Variants in PHF2 observed in about 807,000 individuals in gnomAD.
The protein encoded by PHF2 is PHD finger protein 2, also known as lysine-specific demethylase PHF2.
PHF2 carries 27 observed loss-of-function variants against 120.5 expected under a neutral mutation model. That is an observed-to-expected ratio of 0.22 (90% CI 0.17 to 0.31). The LOEUF (loss-of-function observed/expected upper bound fraction) is 0.31. Among genes scored for constraint, PHF2 ranks in the 10% least tolerant of loss-of-function variants. The probability of loss-of-function intolerance (pLI) is 1.00; values close to 1 mark genes in which losing one functional copy is unlikely to be tolerated. For synonymous variants in PHF2, 568 were observed against 592.5 expected (o/e 0.96, Z 0.60); for missense variants, 1,024 against 1,434.8 (o/e 0.71, Z 4.63).
rs1345954050 is a variant in PHF2 at position 93,662,222 on chromosome 9, A to G, written c.1699-685A>G. On this transcript the variant is annotated intron_variant, in intron 12 of 21. Coordinates refer to ENST00000359246, the MANE Select transcript of PHF2 (RefSeq NM_005392.4). ...AGATACATGGATGGATAGATGAACAAATGGATGGGTGGATAGGTGGGTGAA... is the reference window on the plus strand; with the variant it reads ...AGATACATGGATGGATAGATGAACAGATGGATGGGTGGATAGGTGGGTGAA... Among the ~76,000 whole-genome samples, 3 of 151,452 alleles carry G rather than the reference A, an allele frequency of 2.0e-5. No homozygotes were observed. The East Asian group carries it at 5.9e-4, about 30-fold the overall frequency.
intron 2 of PHF2, among the ~76,000 whole-genome samples, chr9:93,634,979 G>T (rs1826066017): frequency 6.6e-6 from 1 of 152,186 alleles, no homozygotes; most frequent in South Asian, 2.1e-4. Context: ...CCTTTCTCTA[G>T]TAAAGACGAG....
At position 93,596,747 on chromosome 9, in the gene PHF2, GTT is replaced by G. The variant is rs34293739; in HGVS notation, c.98+19887_98+19888del. 4.1e-3 allele frequency among the ~76,000 whole-genome samples: 585 copies of G among 144,232 alleles called. 2 individuals carry two copies. The highest frequency in any genetic ancestry group is 7.0e-3 in the Middle Eastern group (2 of 284). 94.6% of individuals were successfully genotyped at this position (144,232 alleles called of 152,430 possible). ...ACCTTCATGCCTCAGTGTTTCTGCC[GTT>G]TTTTTTTTTTGTTTTTTGTTTTTTG... is the stretch of plus-strand genomic sequence containing the variant. On this transcript the variant is annotated intron_variant, in intron 1 of 21. Coordinates refer to ENST00000359246, the MANE Select transcript of PHF2 (RefSeq NM_005392.4).
rs549318076 is a variant in PHF2 at position 93,578,983 on chromosome 9, G to A, written c.98+2112G>A. Among the ~76,000 whole-genome samples, 8 of 152,308 alleles carry A rather than the reference G, an allele frequency of 5.3e-5. No individual in the cohort carries two copies. The South Asian group carries it at 1.2e-3, about 24-fold the overall frequency. ...CATTTTCTCCTGCATCTAACCAAGA[G>A]TCATCTGCCAAAGTGAACCCTACAG... On this transcript the variant is annotated intron_variant, in intron 1 of 21. Transcript: ENST00000359246.
At chr9:93,674,782 C>T in intron 18 of PHF2, 145 bp from the exon 19 acceptor site, 2 of 618,034 alleles carry the variant, frequency 3.2e-6, no homozygotes, top group South Asian at 1.9e-5. Context: ...TCCATCACAG[C>T]TGACAGTGAC....
At chr9:93,588,009 A>G (rs933120956) in intron 1 of PHF2, among the ~76,000 whole-genome samples, 7 of 152,242 alleles carry the variant, frequency 4.6e-5, no homozygotes, top group African/African-American at 1.4e-4. Flanking sequence ...GTGGGCAGGT[A>G]AAGAAGCAGC....
At chr9:93,615,599 A>G (rs1472304533) in intron 1 of PHF2, among the ~76,000 whole-genome samples, 2 of 151,336 alleles carry the variant, frequency 1.3e-5, no homozygotes, top group Non-Finnish European at 2.9e-5. Context: ...GTGGTCCCAC[A>G]ATTGTTGGTG....
intron 18 of PHF2, among the ~76,000 whole-genome samples, 176 bp from the exon 19 acceptor site, chr9:93,674,751 G>A (rs528295495): frequency 6.6e-6 from 1 of 152,282 alleles, no homozygotes; most frequent in African/African-American, 2.4e-5. Context: ...CATGCCTGGG[G>A]TGTCCTCACC....
At chr9:93,659,656 T>C in intron 11 of PHF2, 56 bp downstream of exon 11, 1 of 1,501,498 alleles carries the variant, frequency 6.7e-7, no homozygotes, top group Non-Finnish European at 9.2e-7. Context: ...AGGGCCCACC[T>C]GTCTTTCTCT....
intron 1 of PHF2, among the ~76,000 whole-genome samples, chr9:93,615,800 G>T (rs1303367835): frequency 2.0e-5 from 3 of 152,190 alleles, no homozygotes; most frequent in African/African-American, 7.2e-5. Flanking sequence ...CTGCCCACTG[G>T]TTTGGAGACA....
chr9:93,660,113 C>A, intron 11 of PHF2, 79 bp from the exon 12 acceptor site: 18 of 1,445,148 alleles, frequency 1.2e-5, no homozygotes, highest in Non-Finnish European at 1.6e-5. Flanking sequence ...CTGAGTGTCT[C>A]CAGCATCCTG....
chr9:93,665,207 A>C (rs1408960110), intron 14 of PHF2, among the ~76,000 whole-genome samples: 6 of 152,214 alleles, frequency 3.9e-5, no homozygotes, highest in African/African-American at 1.2e-4. Context: ...AAAAACCAGG[A>C]AACTTGGGTC....
At chr9:93,596,822 A>G (rs10992794) in intron 1 of PHF2, among the ~76,000 whole-genome samples, 2 of 151,298 alleles carry the variant, frequency 1.3e-5, no homozygotes, top group South Asian at 2.1e-4. Flanking sequence ...GCAATGGTGC[A>G]ATCTTGGCTT....
At position 93,676,806 on chromosome 9, in the gene PHF2, G is replaced by C. The variant is rs1338165986; in HGVS notation, c.3045G>C (p.Glu1015Asp). 6.4e-7 allele frequency: 1 copy of C among 1,554,260 alleles called. No homozygotes were observed. The highest frequency in any genetic ancestry group is 8.7e-7 in the Non-Finnish European group (1 of 1,148,628). ...QEGSSPEPPP[E>D]SHSSSLADHE... is the part of the protein sequence containing the mutation. The stretch of plus-strand genomic sequence containing the variant: ...GCAGCTCGCCAGAGCCCCCGCCTGA[G>C]TCGCATAGCAGCAGCCTGGCGGACC... Residue 1015 changes from glutamate (E) to aspartate (D), a missense_variant, in exon 21 of 22, where the codon GAG (glutamate) becomes GAC (aspartate). Transcript: ENST00000359246.
In PHF2 at chr9:93,606,786, T is replaced by C. The variant is rs1305977243; in HGVS notation, c.99-23184T>C. Among the ~76,000 whole-genome samples the C allele has an allele frequency of 5.9e-5, 9 of 152,358 alleles. No homozygotes were observed. In the East Asian group the frequency reaches 1.3e-3, roughly 23 times the overall value. On this transcript the variant is annotated intron_variant, in intron 1 of 21. Transcript: ENST00000359246. ...AAGTTTATTACCAAACTGAAGGCCA[T>C]CTAGATTTTCTCCTGTTACCTTCTA...
chr9:93,649,229 T>C lies in PHF2; in HGVS notation c.602+17T>C. 1.9e-5 allele frequency: 17 copies of C among 880,954 alleles called. No individual in the cohort carries two copies. The highest frequency in any genetic ancestry group is 2.8e-5 in the Non-Finnish European group (17 of 599,082). 54.6% of individuals were successfully genotyped at this position (880,954 alleles called of 1,614,324 possible). On this transcript the variant is annotated intron_variant, in intron 5 of 21. Coordinates refer to ENST00000359246, the MANE Select transcript of PHF2 (RefSeq NM_005392.4). ...TGACACCCGGTGAGTGCTACCACCC[T>C]GGGGGTGTGGGGGCTGGGGTTGGGG...
chr9:93,654,684 C>G (rs1826427667), intron 7 of PHF2, 109 bp downstream of exon 7: 1 of 998,660 alleles, frequency 1.0e-6, no homozygotes, highest in African/African-American at 1.6e-5. Context: ...CTTCGGCATC[C>G]CTGGCATGCC....
chr9:93,655,036 G>A (rs958937197), intron 7 of PHF2, among the ~76,000 whole-genome samples: 3 of 152,232 alleles, frequency 2.0e-5, no homozygotes, highest in Non-Finnish European at 4.4e-5. Flanking sequence ...TTTTGAGTCT[G>A]TGCTGAAGGA....
chr9:93,652,554 G>A (rs1359220113), intron 5 of PHF2, among the ~76,000 whole-genome samples: 2 of 152,002 alleles, frequency 1.3e-5, no homozygotes, highest in African/African-American at 4.8e-5. Flanking sequence ...GCCTCCCAAA[G>A]TGCTGAGATT....
At chr9:93,611,074 C>T (rs1825625189) in intron 1 of PHF2, among the ~76,000 whole-genome samples, 1 of 152,158 alleles carries the variant, frequency 6.6e-6, no homozygotes, top group African/African-American at 2.4e-5. Flanking sequence ...TACATGTCAT[C>T]CCTTTTTTTG....
Sources: gnomAD v4.1 joint callset for allele counts (sites outside exome capture counted in the v4.1 genomes callset) on GRCh38, gnomAD v4.1.1 for gene constraint, MANE v1.5 for transcripts, NCBI Gene and HGNC (gene_info 2026-07-23, HGNC 2026-07-21) for gene names.